SLC14A2: variants seen among roughly 807,000 people sequenced by gnomAD.
The protein encoded by SLC14A2 is solute carrier family 14 member 2, also known as urea transporter 2.
A neutral mutation model predicts 104.6 loss-of-function variants in SLC14A2; 91 were observed. That is an observed-to-expected ratio of 0.87 (90% CI 0.73 to 1.04). The LOEUF (loss-of-function observed/expected upper bound fraction) is 1.04. SLC14A2 is among the 50% of genes least tolerant of loss of function. The probability of loss-of-function intolerance (pLI) is 0.00; values close to 1 mark genes in which losing one functional copy is unlikely to be tolerated. For missense variants in SLC14A2, 1,189 were observed against 1,156.0 expected (o/e 1.03, Z -0.41); for synonymous variants, 476 against 466.4 (o/e 1.02, Z -0.27).
chr18:45,286,221 T>A (rs2084813214), intron 1 of SLC14A2, among the ~76,000 whole-genome samples: 1 of 152,174 alleles, frequency 6.6e-6, no homozygotes, highest in Non-Finnish European at 1.5e-5. Flanking sequence ...TTATTACTGT[T>A]AGCATCCTCT....
intron 1 of SLC14A2, among the ~76,000 whole-genome samples, chr18:45,407,522 C>T (rs1442598198): frequency 1.3e-5 from 2 of 152,158 alleles, no homozygotes; most frequent in East Asian, 1.9e-4. Context: ...CTTTAATGTC[C>T]TTCAAGAACT....
chr18:45,313,788 A>G (rs866663764), intron 1 of SLC14A2, among the ~76,000 whole-genome samples: 1 of 152,224 alleles, frequency 6.6e-6, no homozygotes, highest in African/African-American at 2.4e-5. Context: ...GGATTTTTCA[A>G]CATCTTACCT....
At chr18:45,584,899 T>C (rs1466861519) in intron 2 of SLC14A2, among the ~76,000 whole-genome samples, 1 of 152,190 alleles carries the variant, frequency 6.6e-6, no homozygotes, top group Non-Finnish European at 1.5e-5. Context: ...ACGCAGCAGA[T>C]CTTAGTGGGA....
chr18:45,351,143 G>A (rs1376198780), intron 1 of SLC14A2, among the ~76,000 whole-genome samples: 1 of 151,930 alleles, frequency 6.6e-6, no homozygotes, highest in Non-Finnish European at 1.5e-5. Context: ...CTTTTATTCT[G>A]GTACCAATTG....
intron 2 of SLC14A2, among the ~76,000 whole-genome samples, chr18:45,570,432 C>A (rs961139058): frequency 2.0e-5 from 3 of 152,144 alleles, no homozygotes; most frequent in African/African-American, 7.2e-5. Flanking sequence ...CCTATATGTA[C>A]CCAAATACCA....
At chr18:45,181,830 T>G in the SLC14A2 span, among the ~76,000 whole-genome samples, 1 of 152,132 alleles carries the variant, frequency 6.6e-6, no homozygotes, top group Admixed American at 6.6e-5. Context: ...CGACTCTTTA[T>G]TAAGTAGATT....
chr18:45,636,117 G>A (rs2144538936), intron 5 of SLC14A2, among the ~76,000 whole-genome samples: 1 of 152,352 alleles, frequency 6.6e-6, no homozygotes, highest in East Asian at 1.9e-4. Flanking sequence ...GTCTCAGCAA[G>A]TCGGAGAGTT....
chr18:45,394,486 C>G (rs2086007147), intron 1 of SLC14A2, among the ~76,000 whole-genome samples: 1 of 152,072 alleles, frequency 6.6e-6, no homozygotes, highest in Non-Finnish European at 1.5e-5. Context: ...TTTGGAGTCA[C>G]AGAATATAAA....
intron 1 of SLC14A2, among the ~76,000 whole-genome samples, chr18:45,420,663 C>A (rs2612568): frequency 1 from 152,245 of 152,356 alleles, 76,067 homozygotes; most frequent in Non-Finnish European, 1. Flanking sequence ...TGGTCAAATT[C>A]TTTTAAACAT....
chr18:45,633,452 A>C (rs1037683325), intron 5 of SLC14A2, among the ~76,000 whole-genome samples: 1 of 152,242 alleles, frequency 6.6e-6, no homozygotes, highest in Non-Finnish European at 1.5e-5. Context: ...GAAGGTCACC[A>C]TGAAAGGGAG....
At chr18:45,345,602 C>T (rs866018449) in intron 1 of SLC14A2, among the ~76,000 whole-genome samples, 2 of 152,190 alleles carry the variant, frequency 1.3e-5, no homozygotes, top group East Asian at 3.8e-4. Context: ...GATCCTTGTG[C>T]ATCATGGGTA....
At chr18:45,355,063 A>G in intron 1 of SLC14A2, among the ~76,000 whole-genome samples, 1 of 152,090 alleles carries the variant, frequency 6.6e-6, no homozygotes, top group East Asian at 1.9e-4. Context: ...GGGCTCCTTC[A>G]CCTCCTGGTT....
chr18:45,414,757 AATATATATATATATATATATAT>A (rs71177674), intron 1 of SLC14A2, among the ~76,000 whole-genome samples: 3 of 76,112 alleles, frequency 3.9e-5, no homozygotes, highest in African/African-American at 2.3e-4. Context: ...AAAAAAAAAA[AATATATATATATATATATATAT>A]ATATATATAT....
chr18:45,298,891 C>T (rs1043965374), intron 1 of SLC14A2, among the ~76,000 whole-genome samples: 1 of 151,662 alleles, frequency 6.6e-6, no homozygotes, highest in African/African-American at 2.4e-5. Flanking sequence ...AAGGAAGAAA[C>T]AATTCTCAAA....
intron 1 of SLC14A2, among the ~76,000 whole-genome samples, chr18:45,376,528 C>T (rs1246076734): frequency 6.6e-6 from 1 of 152,088 alleles, no homozygotes; most frequent in East Asian, 1.9e-4. Context: ...TGCTCCTAGT[C>T]CCCAGGAATT....
At chr18:45,470,700 G>T (rs1317066544) in intron 1 of SLC14A2, among the ~76,000 whole-genome samples, 1 of 152,144 alleles carries the variant, frequency 6.6e-6, no homozygotes, top group Non-Finnish European at 1.5e-5. Flanking sequence ...ATAATGACAT[G>T]TGTATAGTTC....
At chr18:45,323,952 C>T (rs532863241) in intron 1 of SLC14A2, among the ~76,000 whole-genome samples, 6 of 152,218 alleles carry the variant, frequency 3.9e-5, no homozygotes, top group East Asian at 1.9e-4. Context: ...GCATGTAACA[C>T]GCATGCACTG....
At chr18:45,187,770 T>A in the SLC14A2 span, among the ~76,000 whole-genome samples, 53,870 of 151,140 alleles carry the variant, frequency 0.36, 10,639 homozygotes, top group Non-Finnish European at 0.47. Context: ...GGTAAAAAAA[T>A]AAATAAATAA....
the SLC14A2 span, among the ~76,000 whole-genome samples, chr18:45,190,785 G>A: frequency 4.6e-5 from 7 of 152,102 alleles, no homozygotes; most frequent in African/African-American, 1.7e-4. Context: ...CAAAAATGAA[G>A]GTATAATTAT....
Sources: allele counts gnomAD v4.1 joint callset (sites outside exome capture counted in the v4.1 genomes callset), GRCh38; gene constraint gnomAD v4.1.1; transcripts MANE v1.5; gene names NCBI Gene and HGNC (gene_info 2026-07-23, HGNC 2026-07-21).